Variants in SOCS5 observed in about 807,000 individuals in gnomAD.
The protein encoded by SOCS5 is suppressor of cytokine signaling 5.
In SOCS5, 32 loss-of-function variants were observed where a neutral mutation model predicts 42.8. The ratio of observed to expected loss-of-function variants is 0.75; its 90% CI spans 0.56 to 1.01. The LOEUF (loss-of-function observed/expected upper bound fraction) is 1.01, where lower values mean the gene tolerates loss of function less well. Ranked by LOEUF, SOCS5 falls within the 50% of genes least tolerant of loss-of-function variation. SOCS5 has a pLI of 0.00. For missense variants in SOCS5, 627 were observed against 653.0 expected (o/e 0.96, Z 0.43); for synonymous variants, 283 against 229.6 (o/e 1.23, Z -2.10).
intron 1 of SOCS5, among the ~76,000 whole-genome samples, chr2:46,709,530 A>G (rs2103694456): frequency 6.6e-6 from 1 of 152,204 alleles, no homozygotes; most frequent in East Asian, 1.9e-4. Context: ...GGCTGTGCAG[A>G]GAAAAGTAGG....
intron 1 of SOCS5, among the ~76,000 whole-genome samples, chr2:46,729,172 T>G (rs1211151561): frequency 6.6e-6 from 1 of 152,242 alleles, no homozygotes; most frequent in Non-Finnish European, 1.5e-5. Context: ...TTTTTCACCA[T>G]TGTTTGAGAC....
In SOCS5 at chr2:46,759,303, A is replaced by G. The variant is rs2103766607; in HGVS notation, c.773A>G (p.Glu258Gly). 1 of 1,614,014 alleles carries G rather than the reference A, an allele frequency of 6.2e-7. No individual in the cohort carries two copies. ...DTFDPSLVST[E>G]DEEDRLRERR... ...TTTGATCCATCTTTGGTTTCTACAGAAGATGAAGAAGATAGGCTTAGAGAG... is the reference window on the plus strand; with the variant it reads ...TTTGATCCATCTTTGGTTTCTACAGGAGATGAAGAAGATAGGCTTAGAGAG... Residue 258 changes from glutamate to glycine, a missense_variant, in exon 2 of 2, where the codon GAA becomes GGA. Around this residue, in one of 3 missense-constraint regions of SOCS5, gnomAD observed 340 missense variants for 367.6 expected, o/e 0.92. Coordinates refer to ENST00000394861, the MANE Select transcript of SOCS5 (RefSeq NM_144949.3).
At chr2:46,737,515 T>G (rs1036124067) in intron 1 of SOCS5, among the ~76,000 whole-genome samples, 3 of 152,216 alleles carry the variant, frequency 2.0e-5, no homozygotes, top group African/African-American at 7.2e-5. Flanking sequence ...TAATTATTTT[T>G]GGATGCTTGG....
chr2:46,716,856 A>T (rs1052853316), intron 1 of SOCS5, among the ~76,000 whole-genome samples: 1 of 152,158 alleles, frequency 6.6e-6, no homozygotes, highest in African/African-American at 2.4e-5. Flanking sequence ...TTCCAGACAG[A>T]TACGGAATAG....
chr2:46,717,094 T>C (rs749381647), intron 1 of SOCS5, among the ~76,000 whole-genome samples: 4 of 152,218 alleles, frequency 2.6e-5, no homozygotes, highest in Non-Finnish European at 4.4e-5. Flanking sequence ...CAGATTGGTA[T>C]TTGGCCAGAA....
At chr2:46,728,046 T>C (rs1456009) in intron 1 of SOCS5, among the ~76,000 whole-genome samples, 115,044 of 152,068 alleles carry the variant, frequency 0.76, 44,309 homozygotes, top group African/African-American at 0.89. Context: ...TGTGGGCGCC[T>C]AACTGTTAAC....
intron 1 of SOCS5, among the ~76,000 whole-genome samples, chr2:46,704,602 C>T (rs1672420562): frequency 6.6e-6 from 1 of 152,130 alleles, no homozygotes; most frequent in African/African-American, 2.4e-5. Flanking sequence ...GTACTGTATA[C>T]AGTTTGCTTT....
intron 1 of SOCS5, among the ~76,000 whole-genome samples, chr2:46,717,718 G>T (rs763599454): frequency 1.2e-4 from 18 of 151,994 alleles, no homozygotes; most frequent in African/African-American, 1.7e-4. Flanking sequence ...TTAGGGTTAG[G>T]TTACCTCTAA....
chr2:46,759,757 G>A lies in SOCS5; in HGVS notation c.1227G>A (p.Ala409=), dbSNP rs1471568916. The A allele has an allele frequency of 6.2e-7, 1 of 1,614,128 alleles. No homozygotes were observed. The highest frequency in any genetic ancestry group is 1.7e-5 in the Admixed American group (1 of 60,018). Residue 409 remains alanine, a synonymous_variant, in exon 2 of 2, where the codon GCG becomes GCA. Transcript: ENST00000394861. ...PEGTFLLRDS[A]QEDYLFSVSF... is the part of the protein sequence containing the mutation. ...GCACGTTTTTGCTCAGGGACTCTGC[G>A]CAAGAGGACTACCTCTTCTCTGTGA...
chr2:46,703,983 T>C (rs978581286), intron 1 of SOCS5, among the ~76,000 whole-genome samples: 2 of 152,150 alleles, frequency 1.3e-5, no homozygotes, highest in Non-Finnish European at 2.9e-5. Flanking sequence ...TGCCTTTACA[T>C]GTAGGTGAAA....
chr2:46,729,041 T>TA (rs1435730809), intron 1 of SOCS5, among the ~76,000 whole-genome samples: 13 of 152,344 alleles, frequency 8.5e-5, no homozygotes, highest in African/African-American at 3.1e-4. Context: ...TAATTCGTTT[T>TA]GACAAGCCGT....
chr2:46,726,843 G>A (rs2103720717), intron 1 of SOCS5, among the ~76,000 whole-genome samples: 1 of 151,494 alleles, frequency 6.6e-6, no homozygotes, highest in South Asian at 2.1e-4. Flanking sequence ...TGTAACCTCT[G>A]CCTCCTGGGT....
chr2:46,727,708 C>T (rs1673028606), intron 1 of SOCS5, among the ~76,000 whole-genome samples: 1 of 152,044 alleles, frequency 6.6e-6, no homozygotes, highest in South Asian at 2.1e-4. Context: ...TTTTGGTTTG[C>T]TGTTTAGGTT....
chr2:46,732,966 T>A (rs890472878), intron 1 of SOCS5, among the ~76,000 whole-genome samples: 1 of 152,132 alleles, frequency 6.6e-6, no homozygotes, highest in Non-Finnish European at 1.5e-5. Context: ...TTACAATGTT[T>A]AAAAATCGTG....
At chr2:46,733,998 A>G (rs1290451125) in intron 1 of SOCS5, among the ~76,000 whole-genome samples, 1 of 152,232 alleles carries the variant, frequency 6.6e-6, no homozygotes, top group African/African-American at 2.4e-5. Context: ...TGTAGTACTT[A>G]ACGGAGAGTT....
intron 1 of SOCS5, among the ~76,000 whole-genome samples, chr2:46,703,882 G>T (rs1462732237): frequency 6.6e-6 from 1 of 152,186 alleles, no homozygotes; most frequent in East Asian, 1.9e-4. Flanking sequence ...GGTTAGAGCA[G>T]AAGTAATCTT....
rs142303159 is a variant in SOCS5, at chr2:46,716,637, C to G, written c.-13+17188C>G. 5.1e-3 allele frequency among the ~76,000 whole-genome samples: 775 copies of G among 151,950 alleles called. 6 individuals carry two copies. Among genetic ancestry groups the G allele is most frequent in the Admixed American group, 0.01 (153 of 15,274 alleles). ...GAACCATAGGTGCACACCACCACAC[C>G]CAGCTAATATTTTGACTTTTTTGTG... On this transcript the variant is annotated intron_variant, in intron 1 of 1. Coordinates refer to ENST00000394861, the MANE Select transcript of SOCS5 (RefSeq NM_144949.3).
At chr2:46,705,446 A>G (rs576529851) in intron 1 of SOCS5, among the ~76,000 whole-genome samples, 43 of 152,352 alleles carry the variant, frequency 2.8e-4, no homozygotes, top group Admixed American at 1.9e-3. Flanking sequence ...AAATCCCTAC[A>G]CATATGTTTT....
intron 1 of SOCS5, among the ~76,000 whole-genome samples, chr2:46,727,413 T>C (rs1673022829): frequency 1.3e-5 from 2 of 152,218 alleles, no homozygotes; most frequent in South Asian, 2.1e-4. Flanking sequence ...TAAGTAATTT[T>C]AGATTGCATC....
Sources: allele counts gnomAD v4.1 joint callset (sites outside exome capture counted in the v4.1 genomes callset), GRCh38; gene constraint gnomAD v4.1.1; regional missense constraint gnomAD v4.1.1; transcripts MANE v1.5; gene names NCBI Gene and HGNC (gene_info 2026-07-23, HGNC 2026-07-21).